The following CAMK2B variants were observed in gnomAD, a reference collection of about 807,000 sequenced individuals.
CAMK2B encodes the protein calcium/calmodulin-dependent protein kinase type II subunit beta.
CAMK2B carries 27 observed loss-of-function variants against 93.7 expected under a neutral mutation model. That is an observed-to-expected ratio of 0.29 (90% CI 0.21 to 0.40). The LOEUF (loss-of-function observed/expected upper bound fraction) is 0.40. Ranked by LOEUF, CAMK2B falls within the 10% of genes least tolerant of loss-of-function variation. The probability of loss-of-function intolerance (pLI) is 1.00; values close to 1 mark genes in which losing one functional copy is unlikely to be tolerated. For synonymous variants in CAMK2B, 374 were observed against 358.8 expected (o/e 1.04, Z -0.48); for missense variants, 568 against 895.8 (o/e 0.63, Z 4.67).
chr7:44,325,365 A>T lies in CAMK2B; in HGVS notation c.57T>A (p.Asp19Glu). The change falls in exon 1 of 24, where the codon GAT becomes GAA. Residue 19 changes from aspartate to glutamate, a missense_variant. Asp to Glu is a conservative substitution (Grantham distance 45). This residue lies in a region of CAMK2B where 39 missense variants were observed against 43.4 expected (regional missense o/e 0.90). Transcript: ENST00000395749. ...CGCGCCGCTGCTCTTACTTGCCAATATCCTCGTAGAGCTGGTACTCGTCGG... is the reference window on the plus strand; with the variant it reads ...CGCGCCGCTGCTCTTACTTGCCAATTTCCTCGTAGAGCTGGTACTCGTCGG... Reference protein sequence around the residue: ...RFTDEYQLYEDIGKGAFSVVR... With the variant: ...RFTDEYQLYEEIGKGAFSVVR... The T allele has an allele frequency of 8.0e-7, 1 of 1,254,008 alleles. No individual in the cohort carries two copies. Among genetic ancestry groups the T allele is most frequent in the South Asian group, 1.6e-5 (1 of 63,864 alleles). 77.7% of individuals were successfully genotyped at this position (1,254,008 alleles called of 1,614,324 possible).
At chr7:44,228,685 G>T (rs963668197) in intron 19 of CAMK2B, 111 bp downstream of exon 19, 2 of 1,062,310 alleles carry the variant, frequency 1.9e-6, no homozygotes, top group South Asian at 2.1e-5. Context: ...AGGCTGCGGC[G>T]CCGGGGCAGG....
intron 16 of CAMK2B, among the ~76,000 whole-genome samples, 169 bp from the exon 17 acceptor site, chr7:44,231,223 T>C (rs2096576142): frequency 6.6e-6 from 1 of 152,210 alleles, no homozygotes. Context: ...TCAGGGGACA[T>C]GCCCTCTGGC....
At chr7:44,297,127 A>G (rs1335838859) in intron 1 of CAMK2B, among the ~76,000 whole-genome samples, 1 of 152,238 alleles carries the variant, frequency 6.6e-6, no homozygotes, top group East Asian at 1.9e-4. Context: ...AAGCAACATT[A>G]TCAGGGATAG....
intron 20 of CAMK2B, among the ~76,000 whole-genome samples, chr7:44,222,517 T>A (rs1487305618): frequency 6.6e-6 from 1 of 151,758 alleles, no homozygotes; most frequent in Non-Finnish European, 1.5e-5. Flanking sequence ...CTCACTGCAG[T>A]CTCTGACTCC....
chr7:44,239,726 G>A (rs2096658997), intron 12 of CAMK2B, 63 bp from the exon 13 acceptor site: 2 of 1,148,418 alleles, frequency 1.7e-6, no homozygotes, highest in Non-Finnish European at 2.6e-6. Flanking sequence ...CGAGGGGTGG[G>A]CGAGGTAAGG....
rs1463251780 is a variant in CAMK2B, at chr7:44,226,583, C to G, written c.1530G>C (p.Glu510Asp). 6.7e-7 allele frequency: 1 copy of G among 1,497,802 alleles called. No homozygotes were observed. The highest frequency in any genetic ancestry group is 8.8e-7 in the Non-Finnish European group (1 of 1,132,446). 92.8% of individuals were successfully genotyped at this position (1,497,802 alleles called of 1,614,324 possible). A position where few individuals can be genotyped will look rare whatever the true frequency, so the allele number is the denominator to read the frequency against. ...GCGGGGGCCCCACTGGCGAGGGGCC[C>G]TCGGCTTCTGGGGTCCCTGAGCCCC... ...VRRGSGTPEAEGPSPVGPPPC... is the reference protein window; with the variant it reads ...VRRGSGTPEADGPSPVGPPPC... The change falls in exon 20 of 24, where the codon GAG (glutamate) becomes GAC (aspartate). Residue 510 changes from glutamate (E) to aspartate (D), a missense_variant. By Grantham distance (45) the Glu-to-Asp change is conservative. Transcript: ENST00000395749.
At chr7:44,245,045 T>A in intron 6 of CAMK2B, 1 of 448,618 alleles carries the variant, frequency 2.2e-6, no homozygotes, top group South Asian at 1.6e-5. Flanking sequence ...AGAGGAGGGG[T>A]CAGGGGCTGC....
intron 1 of CAMK2B, among the ~76,000 whole-genome samples, chr7:44,305,995 A>T (rs1302464051): frequency 6.6e-6 from 1 of 151,982 alleles, no homozygotes; most frequent in East Asian, 1.9e-4. Context: ...TTGAGAGGGG[A>T]CTGCAAGGGG....
intron 15 of CAMK2B, 81 bp downstream of exon 15, chr7:44,234,309 C>G (rs908228264): frequency 7.6e-7 from 1 of 1,308,370 alleles, no homozygotes; most frequent in African/African-American, 1.5e-5. Flanking sequence ...CCCACCTTCA[C>G]CCGGCCCCCT....
intron 2 of CAMK2B, among the ~76,000 whole-genome samples, chr7:44,267,458 G>C (rs1020029271): frequency 6.6e-6 from 1 of 152,148 alleles, no homozygotes; most frequent in Admixed American, 6.5e-5. Flanking sequence ...GTGAAGCTTG[G>C]AGAGGGAACT....
chr7:44,284,265 A>C (rs986385372), intron 1 of CAMK2B, 40 bp from the exon 2 acceptor site: 7 of 1,382,132 alleles, frequency 5.1e-6, no homozygotes, highest in Non-Finnish European at 6.1e-6. Context: ...AGAGACAGAG[A>C]CAGACAAGGA....
At chr7:44,300,073 G>T (rs1377668004) in intron 1 of CAMK2B, among the ~76,000 whole-genome samples, 2 of 147,322 alleles carry the variant, frequency 1.4e-5, no homozygotes, top group Non-Finnish European at 3.0e-5. Context: ...TAGTTGTTCA[G>T]ACAGGGACTC....
intron 13 of CAMK2B, among the ~76,000 whole-genome samples, chr7:44,239,048 TC>T (rs2096651356): frequency 6.6e-6 from 1 of 152,170 alleles, no homozygotes; most frequent in African/African-American, 2.4e-5. Flanking sequence ...CTTGAAAGTC[TC>T]CTCAGGGTGC....
intron 2 of CAMK2B, among the ~76,000 whole-genome samples, chr7:44,280,731 C>T (rs1312091379): frequency 2.0e-5 from 3 of 152,216 alleles, no homozygotes; most frequent in East Asian, 3.9e-4. Flanking sequence ...TAGCAGCCTT[C>T]GTTCAACAGA....
chr7:44,290,549 G>A (rs1786500509), intron 1 of CAMK2B, among the ~76,000 whole-genome samples: 2 of 152,228 alleles, frequency 1.3e-5, no homozygotes, highest in Non-Finnish European at 2.9e-5. Context: ...GCTAGGGGCT[G>A]GGGACACCCC....
intron 6 of CAMK2B, 129 bp from the exon 7 acceptor site, chr7:44,243,656 T>C: frequency 2.9e-6 from 2 of 693,380 alleles, no homozygotes; most frequent in Non-Finnish European, 5.0e-6. Flanking sequence ...GTCTGAGCCC[T>C]GCCCCATGGT....
At position 44,234,381 on chromosome 7, in the gene CAMK2B, G is replaced by C. The variant is rs758128012; in HGVS notation, c.1131+9C>G. On this transcript the variant is annotated intron_variant, in intron 15 of 23. Coordinates refer to ENST00000395749, the MANE Select transcript of CAMK2B (RefSeq NM_001220.5). ...GGGGCTGAGAGGCAGAATTTGAGGA[G>C]CTCAGTACCAGGGCGGCAGGAGGAA... 1.3e-6 allele frequency: 2 copies of C among 1,510,678 alleles called. No individual in the cohort carries two copies. The highest frequency in any genetic ancestry group is 1.8e-6 in the Non-Finnish European group (2 of 1,131,846). The allele number at this position is 1,510,678 out of a possible 1,614,324, so 93.6% of individuals were successfully genotyped here.
rs1429570007 is a variant in CAMK2B, at chr7:44,224,274, C to T, written c.1597+2242G>A. Among the ~76,000 whole-genome samples the T allele has an allele frequency of 1.3e-5, 2 of 151,780 alleles. No individual in the cohort carries two copies. The highest frequency in any genetic ancestry group is 1.3e-4 in the Admixed American group (2 of 15,246). On this transcript the variant is annotated intron_variant, in intron 20 of 23. Coordinates refer to ENST00000395749, the MANE Select transcript of CAMK2B (RefSeq NM_001220.5). The surrounding 1 kb of genome is among the most constrained non-coding windows in gnomAD (Gnocchi z 4.4). The stretch of plus-strand genomic sequence containing the variant: ...CCAGACCCCAGCTCAACCCAGCCCC[C>T]ACTCTGCCTCCCCACATAGCACATG...
chr7:44,287,414 C>T (rs1785438832), intron 1 of CAMK2B, among the ~76,000 whole-genome samples: 1 of 152,222 alleles, frequency 6.6e-6, no homozygotes. Flanking sequence ...ATCCTGCCAT[C>T]TCCCCGGGGA....
Sources: gnomAD v4.1 joint callset for allele counts (sites outside exome capture counted in the v4.1 genomes callset) on GRCh38, gnomAD v4.1.1 for gene constraint, gnomAD v4.1.1 regional missense constraint, Gnocchi (gnomAD v3.1) non-coding constraint, MANE v1.5 for transcripts, NCBI Gene and HGNC (gene_info 2026-07-23, HGNC 2026-07-21) for gene names.